The following SPATA17 variants were observed in gnomAD, a reference collection of about 807,000 sequenced individuals.
The protein encoded by SPATA17 is spermatogenesis associated 17, also known as spermatogenesis-associated protein 17.
SPATA17 carries 53 observed loss-of-function variants against 62.2 expected under a neutral mutation model. The observed-to-expected ratio is 0.85, with a 90% CI of 0.68 to 1.07. The LOEUF (loss-of-function observed/expected upper bound fraction) is 1.07, where lower values mean the gene tolerates loss of function less well. Among genes scored for constraint, SPATA17 ranks in the 50% least tolerant of loss-of-function variants. The pLI, the probability that SPATA17 is intolerant of heterozygous loss-of-function variation, is 0.00. For synonymous variants in SPATA17, 146 were observed against 146.8 expected (o/e 0.99, Z 0.04); for missense variants, 466 against 425.5 (o/e 1.10, Z -0.84).
In SPATA17 at chr1:217,660,493, G is replaced by A. The variant is rs116169110; in HGVS notation, c.241-8540G>A. The stretch of plus-strand genomic sequence containing the variant: ...TGTAGATGATGATTAACATCAGTAT[G>A]TGCCAGGGTGGATTGTATTCTTGTT... On this transcript the variant is annotated intron_variant, in intron 3 of 10. Coordinates refer to ENST00000366933, the MANE Select transcript of SPATA17 (RefSeq NM_138796.4). Among the ~76,000 whole-genome samples the A allele has an allele frequency of 5.9e-3, 902 of 152,314 alleles. 8 individuals are homozygous for A. Among genetic ancestry groups the A allele is most frequent in the African/African-American group, 0.02 (835 of 41,558 alleles).
chr1:217,796,734 C>A (rs2102985183), intron 8 of SPATA17, among the ~76,000 whole-genome samples: 1 of 152,256 alleles, frequency 6.6e-6, no homozygotes, highest in African/African-American at 2.4e-5. Context: ...TTATTAATAT[C>A]TCTTCAACAA....
At chr1:217,850,653 C>T (rs184111194) in intron 9 of SPATA17, 82 of 1,564,398 alleles carry the variant, frequency 5.2e-5, no homozygotes, top group African/African-American at 3.8e-4. Flanking sequence ...TTAGCAGATA[C>T]GAGGATGCTG....
At chr1:217,654,850 C>T (rs888741446) in intron 3 of SPATA17, among the ~76,000 whole-genome samples, 64 of 151,314 alleles carry the variant, frequency 4.2e-4, no homozygotes, top group African/African-American at 1.3e-3. Context: ...GTAGCTGGGA[C>T]TACAGGCACG....
chr1:217,798,032 C>T (rs946391589), intron 8 of SPATA17, among the ~76,000 whole-genome samples: 4 of 152,140 alleles, frequency 2.6e-5, no homozygotes, highest in Non-Finnish European at 4.4e-5. Context: ...TGCTCATAGA[C>T]TAACATCTTT....
intron 9 of SPATA17, among the ~76,000 whole-genome samples, chr1:217,855,126 A>G (rs2103013784): frequency 6.6e-6 from 1 of 152,260 alleles, no homozygotes; most frequent in Middle Eastern, 3.4e-3. Context: ...TCTCAGTTTC[A>G]ATTGTTATTC....
chr1:217,762,566 G>T (rs1477331575), intron 6 of SPATA17, among the ~76,000 whole-genome samples: 1 of 152,070 alleles, frequency 6.6e-6, no homozygotes, highest in African/African-American at 2.4e-5. Context: ...CTGTAGACCT[G>T]TGGTTTTATA....
At chr1:217,733,852 ACT>A (rs1368220203) in intron 5 of SPATA17, among the ~76,000 whole-genome samples, 2 of 152,152 alleles carry the variant, frequency 1.3e-5, no homozygotes, top group Non-Finnish European at 2.9e-5. Flanking sequence ...AAGGTGTGAA[ACT>A]CAGGCGCAAC....
intron 5 of SPATA17, among the ~76,000 whole-genome samples, chr1:217,703,325 C>T (rs1671647315): frequency 6.6e-6 from 1 of 152,022 alleles, no homozygotes. Context: ...GCACCCACCA[C>T]CATGCCCGGC....
chr1:217,787,749 A>C (rs1673904779), intron 8 of SPATA17, among the ~76,000 whole-genome samples: 1 of 149,992 alleles, frequency 6.7e-6, no homozygotes, highest in African/African-American at 2.5e-5. Flanking sequence ...ACTGATCTTC[A>C]GTTATGTTTT....
At chr1:217,843,744 C>T (rs997395373) in intron 9 of SPATA17, among the ~76,000 whole-genome samples, 8 of 152,234 alleles carry the variant, frequency 5.3e-5, no homozygotes, top group South Asian at 2.1e-4. Context: ...GGCATGACTA[C>T]GTTCCAATAA....
chr1:217,813,114 A>C (rs1674633260), intron 9 of SPATA17, among the ~76,000 whole-genome samples: 1 of 152,220 alleles, frequency 6.6e-6, no homozygotes, highest in African/African-American at 2.4e-5. Flanking sequence ...ATTGCACAGA[A>C]CATAAAGTTG....
intron 7 of SPATA17, among the ~76,000 whole-genome samples, chr1:217,774,787 G>A (rs1238175559): frequency 1.3e-5 from 2 of 152,078 alleles, no homozygotes; most frequent in African/African-American, 2.4e-5. Context: ...CACTTAGCAC[G>A]ATGTTCTTAA....
chr1:217,751,953 G>A (rs565627860), intron 6 of SPATA17, among the ~76,000 whole-genome samples: 7 of 152,280 alleles, frequency 4.6e-5, no homozygotes, highest in African/African-American at 1.7e-4. Context: ...AGATCCATGT[G>A]TTATGGGCCT....
chr1:217,738,599 G>C (rs1672564013), intron 5 of SPATA17, among the ~76,000 whole-genome samples: 2 of 152,192 alleles, frequency 1.3e-5, no homozygotes, highest in South Asian at 4.1e-4. Context: ...TTGCAGCCCA[G>C]AGGGTAAACA....
chr1:217,672,263 T>C (rs1457120615), intron 4 of SPATA17, among the ~76,000 whole-genome samples: 2 of 152,214 alleles, frequency 1.3e-5, no homozygotes, highest in African/African-American at 4.8e-5. Flanking sequence ...TTTCATAAGC[T>C]ACCTGGTAAC....
At chr1:217,796,837 G>A (rs1160718228) in intron 8 of SPATA17, among the ~76,000 whole-genome samples, 2 of 152,036 alleles carry the variant, frequency 1.3e-5, no homozygotes, top group East Asian at 3.9e-4. Context: ...TAATACATAC[G>A]GTAAAGATGC....
At chr1:217,669,465 A>G (rs1240346419) in intron 4 of SPATA17, among the ~76,000 whole-genome samples, 1 of 152,328 alleles carries the variant, frequency 6.6e-6, no homozygotes, top group Non-Finnish European at 1.5e-5. Flanking sequence ...GAAATTATTC[A>G]TATGATTTAA....
chr1:217,850,654 G>A (rs528720410), intron 9 of SPATA17: 69 of 1,562,388 alleles, frequency 4.4e-5, no homozygotes, highest in Non-Finnish European at 5.1e-5. Context: ...TAGCAGATAC[G>A]AGGATGCTGC....
In SPATA17 at chr1:217,696,348, G is replaced by T. The variant is rs1408658366; in HGVS notation, c.395+12987G>T. Among the ~76,000 whole-genome samples the T allele has an allele frequency of 4.6e-5, 7 of 152,096 alleles. 1 individual carries two copies. Among genetic ancestry groups the T allele is most frequent in the African/African-American group, 1.7e-4 (7 of 41,432 alleles). On this transcript the variant is annotated intron_variant, in intron 5 of 10. Transcript: ENST00000366933. ...GTGAGGCAATGCCTCGCCCTGCTTC[G>T]GCTCGCGCACAGTGCGCGCACCCAC...
Sources: allele counts gnomAD v4.1 joint callset (sites outside exome capture counted in the v4.1 genomes callset), GRCh38; gene constraint gnomAD v4.1.1; transcripts MANE v1.5; gene names NCBI Gene and HGNC (gene_info 2026-07-23, HGNC 2026-07-21).